The following SULT1B1 variants were observed in gnomAD, a reference collection of about 807,000 sequenced individuals.
SULT1B1 encodes sulfotransferase 1B1.
In SULT1B1, 28 loss-of-function variants were observed where a neutral mutation model predicts 34.6. The ratio of observed to expected loss-of-function variants is 0.81; its 90% CI spans 0.60 to 1.11. SULT1B1 has a LOEUF of 1.11. SULT1B1 is among the 50% of genes least tolerant of loss of function. The pLI, the probability that SULT1B1 is intolerant of heterozygous loss-of-function variation, is 0.00. For missense variants in SULT1B1, 374 were observed against 352.2 expected, an observed-to-expected ratio of 1.06 and a Z score of -0.50; for synonymous variants, 147 against 110.2, an observed-to-expected ratio of 1.33 and a Z score of -2.09.
chr4:69,748,587 T>G (rs1718844394), intron 4 of SULT1B1, among the ~76,000 whole-genome samples: 1 of 152,148 alleles, frequency 6.6e-6, no homozygotes, highest in Admixed American at 6.5e-5. Context: ...GCTCAAGAGC[T>G]CAGAAAACAT....
intron 5 of SULT1B1, 105 bp from the exon 6 acceptor site, chr4:69,733,612 G>A: frequency 2.5e-6 from 2 of 812,424 alleles, no homozygotes; most frequent in African/African-American, 1.8e-5. Flanking sequence ...AGTAACCAAA[G>A]GAAGTAAGAA....
chr4:69,756,978 CAG>C (rs1553915722), intron 1 of SULT1B1, among the ~76,000 whole-genome samples: 4 of 136,496 alleles, frequency 2.9e-5, no homozygotes, highest in South Asian at 2.2e-4. Flanking sequence ...CACACACACA[CAG>C]ACACACACAC....
In SULT1B1 at chr4:69,738,211, T is replaced by C. The variant is rs570722572; in HGVS notation, c.376-3947A>G. ...CATGATTTCCTTTTCCTTATGGCTG[T>C]GTAGTATTCCGTGGTGTATACACAC... On this transcript the variant is annotated intron_variant, in intron 4 of 7. Transcript: ENST00000310613. 2.4e-4 allele frequency among the ~76,000 whole-genome samples: 36 copies of C among 152,308 alleles called. 1 individual carries two copies. In the South Asian group the frequency reaches 4.8e-3, roughly 20 times the overall value.
chr4:69,755,145 C>T lies in SULT1B1; in HGVS notation c.73G>A (p.Ala25Thr). 1 of 1,613,952 alleles carries T rather than the reference C, an allele frequency of 6.2e-7. No individual in the cohort carries two copies. The highest frequency in any genetic ancestry group is 8.5e-7 in the Non-Finnish European group (1 of 1,179,838). ...VHGYPMTCAF[A>T]SNWEKIEQFH... Reference sequence around the variant, plus strand: ...TGTTCAATTTTTTCCCAGTTGCTTGCAAAAGCACAGGTCATGGGATAACCA... The same window carrying T: ...TGTTCAATTTTTTCCCAGTTGCTTGTAAAAGCACAGGTCATGGGATAACCA... Residue 25 changes from alanine (A) to threonine (T), a missense_variant, in exon 2 of 8, where the codon GCA becomes ACA. By Grantham distance (58) the Ala-to-Thr change is moderately conservative. Transcript: ENST00000310613.
At chr4:69,758,558 A>T (rs1719277748) in intron 1 of SULT1B1, 4 of 791,214 alleles carry the variant, frequency 5.1e-6, no homozygotes, top group Non-Finnish European at 6.1e-6. Context: ...GAGAAAAATA[A>T]ATGAGTCTCT....
In SULT1B1 at chr4:69,726,244, T is replaced by C. The variant is rs369023973; in HGVS notation, c.*844A>G. ...ATATTTTGCAGAGGTTATGATCATG[T>C]CTAGGATATTAAAGGTGCTATTAAG... On this transcript the variant is annotated 3_prime_UTR_variant, in exon 8 of 8. Transcript: ENST00000310613. 2.0e-5 allele frequency: 3 copies of C among 150,888 alleles called. No homozygotes were observed. The highest frequency in any genetic ancestry group is 2.1e-4 in the South Asian group (1 of 4,770). The allele number at this position is 150,888 out of a possible 1,614,324, so 9.3% of individuals were successfully genotyped here. A position where few individuals can be genotyped will look rare whatever the true frequency, so the allele number is the denominator to read the frequency against.
rs1717665111 is a variant in SULT1B1 at position 69,721,344 on chromosome 4, A to T, written c.*5744T>A. On this transcript the variant is annotated 3_prime_UTR_variant, in exon 8 of 8. Transcript: ENST00000310613. ...CTTACATAATAAAAACAATTTATAC[A>T]TGGGTCATTGATAACCACCAGTATC... The T allele has an allele frequency of 6.6e-6, 1 of 152,152 alleles. No homozygotes were observed. The highest frequency in any genetic ancestry group is 1.5e-5 in the Non-Finnish European group (1 of 68,004). 9.4% of individuals were successfully genotyped at this position (152,152 alleles called of 1,614,324 possible).
At chr4:69,730,720 TCA>T (rs1718047187) in intron 6 of SULT1B1, 39 bp from the exon 7 acceptor site, 1 of 1,540,164 alleles carries the variant, frequency 6.5e-7, no homozygotes, top group Non-Finnish European at 8.9e-7. Flanking sequence ...AACAAGTAAC[TCA>T]CACAATGTGA....
intron 4 of SULT1B1, among the ~76,000 whole-genome samples, chr4:69,744,371 C>A (rs567690054): frequency 2.0e-5 from 3 of 152,134 alleles, no homozygotes; most frequent in Non-Finnish European, 4.4e-5. Context: ...GGGTCCTGCC[C>A]GGCCATGCAA....
In SULT1B1 at chr4:69,722,684, C is replaced by T. The variant is rs2110013040; in HGVS notation, c.*4404G>A. On this transcript the variant is annotated 3_prime_UTR_variant, in exon 8 of 8. Transcript: ENST00000310613. ...ATGAGGTTTGTTGTTACCACTAGAC[C>T]AATCCTTTGCTGGGGTTGGAAAAGA... is the stretch of plus-strand genomic sequence containing the variant. 6.6e-6 allele frequency: 1 copy of T among 152,098 alleles called. No homozygotes were observed. The highest frequency in any genetic ancestry group is 6.6e-5 in the Admixed American group (1 of 15,248). The allele number at this position is 152,098 out of a possible 1,614,324, so 9.4% of individuals were successfully genotyped here.
chr4:69,754,846 G>C (rs773334885), intron 2 of SULT1B1, 48 bp from the exon 3 acceptor site: 5 of 1,583,572 alleles, frequency 3.2e-6, no homozygotes, highest in East Asian at 4.5e-5. Context: ...AATTGCACGG[G>C]AGAGGGAGAA....
intron 4 of SULT1B1, among the ~76,000 whole-genome samples, chr4:69,747,436 T>C (rs1718794135): frequency 6.6e-6 from 1 of 152,196 alleles, no homozygotes; most frequent in Non-Finnish European, 1.5e-5. Flanking sequence ...GGCTGTGCAC[T>C]AAGCCAGTGT....
At chr4:69,749,912 G>T in intron 3 of SULT1B1, 94 bp from the exon 4 acceptor site, 1 of 870,944 alleles carries the variant, frequency 1.1e-6, no homozygotes, top group Non-Finnish European at 1.9e-6. Flanking sequence ...ACATTTTTGA[G>T]CATTATGTAA....
chr4:69,748,935 C>A (rs937552337), intron 4 of SULT1B1, among the ~76,000 whole-genome samples: 1 of 151,830 alleles, frequency 6.6e-6, no homozygotes, highest in Admixed American at 6.5e-5. Flanking sequence ...AATATCAGTT[C>A]CTACTTAAAG....
At chr4:69,735,641 T>C (rs1018222467) in intron 4 of SULT1B1, among the ~76,000 whole-genome samples, 2 of 152,210 alleles carry the variant, frequency 1.3e-5, no homozygotes, top group East Asian at 1.9e-4. Flanking sequence ...ATACTCCTTT[T>C]ATGTGGCATC....
At chr4:69,756,425 T>C (rs1174570383) in intron 1 of SULT1B1, among the ~76,000 whole-genome samples, 1 of 152,164 alleles carries the variant, frequency 6.6e-6, no homozygotes, top group African/African-American at 2.4e-5. Flanking sequence ...TGTTTCTGTA[T>C]TGGTGTTTTA....
chr4:69,732,177 C>T lies in SULT1B1; in HGVS notation c.597+1236G>A, dbSNP rs142342586. Among the ~76,000 whole-genome samples, 6 of 152,264 alleles carry T rather than the reference C, an allele frequency of 3.9e-5. 1 individual carries two copies. The highest frequency in any genetic ancestry group is 1.4e-4 in the African/African-American group (6 of 41,556). Reference sequence around the variant, plus strand: ...CAGCTGTGTGGTATGAGCAAATTAACATTAATACTCTCAAACCCTGTGTAA... The same window carrying T: ...CAGCTGTGTGGTATGAGCAAATTAATATTAATACTCTCAAACCCTGTGTAA... On this transcript the variant is annotated intron_variant, in intron 6 of 7. Coordinates refer to ENST00000310613, the MANE Select transcript of SULT1B1 (RefSeq NM_014465.4).
intron 4 of SULT1B1, among the ~76,000 whole-genome samples, chr4:69,738,857 T>C (rs1718423634): frequency 6.6e-6 from 1 of 152,152 alleles, no homozygotes; most frequent in Non-Finnish European, 1.5e-5. Flanking sequence ...AGTACAGGCA[T>C]TGGGTATAGA....
At chr4:69,737,226 T>G (rs1170840939) in intron 4 of SULT1B1, among the ~76,000 whole-genome samples, 1 of 152,150 alleles carries the variant, frequency 6.6e-6, no homozygotes, top group Non-Finnish European at 1.5e-5. Context: ...TAATATATTG[T>G]CAATTCCAAA....
Sources: gnomAD v4.1 joint callset for allele counts (sites outside exome capture counted in the v4.1 genomes callset) on GRCh38, gnomAD v4.1.1 for gene constraint, MANE v1.5 for transcripts, NCBI Gene and HGNC (gene_info 2026-07-23, HGNC 2026-07-21) for gene names.